Variants in CPT1A observed in about 807,000 individuals in gnomAD.
CPT1A encodes carnitine palmitoyltransferase 1A.
A neutral mutation model predicts 100.8 loss-of-function variants in CPT1A; 64 were observed. The ratio of observed to expected loss-of-function variants is 0.63; its 90% CI spans 0.52 to 0.78. The LOEUF (loss-of-function observed/expected upper bound fraction) is 0.78. CPT1A is among the 30% of genes least tolerant of loss of function. The pLI is 0.00. For synonymous variants in CPT1A, 363 were observed against 396.0 expected, an observed-to-expected ratio of 0.92 and a Z score of 0.99; for missense variants, 802 against 1,034.1, an observed-to-expected ratio of 0.78 and a Z score of 3.08.
In CPT1A at chr11:68,841,176, T is replaced by G. The variant is rs905603209; in HGVS notation, c.-14+599A>C. Among the ~76,000 whole-genome samples the G allele has an allele frequency of 6.6e-6, 1 of 151,906 alleles. No homozygotes were observed. Among genetic ancestry groups the G allele is most frequent in the Non-Finnish European group, 1.5e-5 (1 of 67,942 alleles). On this transcript the variant is annotated intron_variant, in intron 1 of 18. Coordinates refer to ENST00000265641, the MANE Select transcript of CPT1A (RefSeq NM_001876.4). The surrounding 1 kb of genome is among the most constrained non-coding windows in gnomAD (Gnocchi z 6.3). ...CCGAATCCCGAGGGCCGAGCACCCCTCCCTCAGCCGCACTGCACCTGCCCG... is the reference window on the plus strand; with the variant it reads ...CCGAATCCCGAGGGCCGAGCACCCCGCCCTCAGCCGCACTGCACCTGCCCG...
Position 68,814,125 on chromosome 11 carries a change from C to A in CPT1A, c.141+1209G>T, listed in dbSNP as rs376639438. On this transcript the variant is annotated intron_variant, in intron 2 of 18. Transcript: ENST00000265641. ...GGATTTCCACTTTTGACTTGATGAACTTTCACCTAGTTTGCATGTTTTCAA... is the reference window on the plus strand; with the variant it reads ...GGATTTCCACTTTTGACTTGATGAAATTTCACCTAGTTTGCATGTTTTCAA... Among the ~76,000 whole-genome samples the A allele has an allele frequency of 4.6e-4, 70 of 152,258 alleles. 1 individual carries two copies. In the South Asian group the frequency reaches 9.5e-3, roughly 21 times the overall value.
chr11:68,755,687 G>A lies in CPT1A; in HGVS notation c.*1957C>T, dbSNP rs1165521811. On this transcript the variant is annotated 3_prime_UTR_variant, in exon 19 of 19. Transcript: ENST00000265641. The stretch of plus-strand genomic sequence containing the variant: ...GCCTCCCAAAGTGCTGGGATTACAC[G>A]CATGAGCCACCGCGCCTGGACGCTT... 4 of 142,888 alleles carry A rather than the reference G, an allele frequency of 2.8e-5. No homozygotes were observed. The highest frequency in any genetic ancestry group is 7.7e-5 in the African/African-American group (3 of 39,076). The allele number at this position is 142,888 out of a possible 1,614,324, so 8.9% of individuals were successfully genotyped here. A position where few individuals can be genotyped will look rare whatever the true frequency, so the allele number is the denominator to read the frequency against.
upstream of CPT1A, among the ~76,000 whole-genome samples, chr11:68,842,719 G>A (rs78033051): frequency 0.016 from 2,397 of 152,224 alleles, 71 homozygotes; most frequent in African/African-American, 0.054. Context: ...GCTGGAGCTC[G>A]GGAGAGGGGC....
chr11:68,811,325 C>A (rs1014154376), intron 3 of CPT1A, among the ~76,000 whole-genome samples: 11 of 152,146 alleles, frequency 7.2e-5, no homozygotes, highest in Non-Finnish European at 1.5e-5. Context: ...TTGGTGTAAA[C>A]AAGCAGCACA....
chr11:68,774,157 C>T (rs1408680349), intron 13 of CPT1A, among the ~76,000 whole-genome samples: 1 of 152,232 alleles, frequency 6.6e-6, no homozygotes, highest in Admixed American at 6.5e-5. Context: ...TCCAAATGTA[C>T]TTTCCTTCCT....
intron 9 of CPT1A, among the ~76,000 whole-genome samples, chr11:68,787,784 A>G (rs576912817): frequency 6.6e-6 from 1 of 152,050 alleles, no homozygotes; most frequent in South Asian, 2.1e-4. Context: ...TCTACTAAAA[A>G]ATTACAAAAA....
In CPT1A at chr11:68,784,947, T is replaced by C. The variant is rs748355531; in HGVS notation, c.1031A>G (p.Lys344Arg). 3 of 1,614,092 alleles carry C rather than the reference T, an allele frequency of 1.9e-6. No individual in the cohort carries two copies. Among genetic ancestry groups the C allele is most frequent in the Admixed American group, 1.7e-5 (1 of 60,014 alleles). The change falls in exon 10 of 19, where the codon AAG (lysine) becomes AGG (arginine). Residue 344 changes from lysine (K) to arginine (R), a missense_variant. By Grantham distance (26) the Lys-to-Arg change is conservative. Around this residue, in one of 4 missense-constraint regions of CPT1A, gnomAD observed 627 missense variants for 799.3 expected, o/e 0.78. Coordinates refer to ENST00000265641, the MANE Select transcript of CPT1A (RefSeq NM_001876.4). ...IVVYHRGRYFKVWLYHDGRLL... is the reference protein window; with the variant it reads ...IVVYHRGRYFRVWLYHDGRLL... ...CCGCCCATCATGGTAGAGCCAGACC[T>C]TGAAGTAGCGTCCTCGATGGTACAC...
rs549711357 is a variant in CPT1A, at chr11:68,757,335, C to T, written c.*309G>A. On this transcript the variant is annotated 3_prime_UTR_variant, in exon 19 of 19. Coordinates refer to ENST00000265641, the MANE Select transcript of CPT1A (RefSeq NM_001876.4). Reference sequence around the variant, plus strand: ...TTCCATTCCACTGTGTGTGAAGCCACAACCCTACTAATTCCTTCATTAACT... The same window carrying T: ...TTCCATTCCACTGTGTGTGAAGCCATAACCCTACTAATTCCTTCATTAACT... The T allele has an allele frequency of 4.4e-4, 547 of 1,255,198 alleles. No homozygotes were observed. Among genetic ancestry groups the T allele is most frequent in the Non-Finnish European group, 5.2e-4 (519 of 989,658 alleles). The allele number at this position is 1,255,198 out of a possible 1,614,324, so 77.8% of individuals were successfully genotyped here.
In CPT1A at chr11:68,792,342, A is replaced by C. The variant is rs7111658; in HGVS notation, c.967+973T>G. 6.9e-4 allele frequency among the ~76,000 whole-genome samples: 105 copies of C among 152,122 alleles called. 1 individual carries two copies. Among genetic ancestry groups the C allele is most frequent in the Non-Finnish European group, 1.3e-3 (88 of 68,022 alleles). On this transcript the variant is annotated intron_variant, in intron 9 of 18. Transcript: ENST00000265641. The stretch of plus-strand genomic sequence containing the variant: ...ACAGAGCGAGACTCCCTCTAAAAAA[A>C]AATAAATAAATAAAATTGCAGGTCA...
In CPT1A at chr11:68,809,226, G is replaced by A. The variant is rs184976150; in HGVS notation, c.282-1588C>T. On this transcript the variant is annotated intron_variant, in intron 3 of 18. Coordinates refer to ENST00000265641, the MANE Select transcript of CPT1A (RefSeq NM_001876.4). The stretch of plus-strand genomic sequence containing the variant: ...GTCATCTAACCTATAAACAAACTTG[G>A]GTTTAGGGATTTAAGAAGCTATCTT... Among the ~76,000 whole-genome samples the A allele has an allele frequency of 2.0e-4, 31 of 151,854 alleles. 1 individual carries two copies. The highest frequency in any genetic ancestry group is 1.9e-3 in the Admixed American group (29 of 15,246).
At chr11:68,822,773 C>T (rs530559149) in intron 1 of CPT1A, among the ~76,000 whole-genome samples, 15 of 152,296 alleles carry the variant, frequency 9.8e-5, no homozygotes, top group African/African-American at 3.6e-4. Context: ...GGACCTCCGA[C>T]ACCTGCTGCA....
intron 5 of CPT1A, among the ~76,000 whole-genome samples, chr11:68,799,988 A>C (rs1343378683): frequency 6.6e-6 from 1 of 152,232 alleles, no homozygotes; most frequent in East Asian, 1.9e-4. Context: ...AAAGTTAACA[A>C]GGAAATTTCA....
Position 68,757,488 on chromosome 11 carries a change from T to C in CPT1A, c.*156A>G, listed in dbSNP as rs1439086549. ...GTTATGCTTCACAGGGGAGAGATACTGTTCTAGGAAAAAAAAACACCCACA... is the reference window on the plus strand; with the variant it reads ...GTTATGCTTCACAGGGGAGAGATACCGTTCTAGGAAAAAAAAACACCCACA... On this transcript the variant is annotated 3_prime_UTR_variant, in exon 19 of 19. Transcript: ENST00000265641. 46 of 1,509,810 alleles carry C rather than the reference T, an allele frequency of 3.0e-5. No individual in the cohort carries two copies. Among genetic ancestry groups the C allele is most frequent in the Non-Finnish European group, 3.9e-5 (44 of 1,133,772 alleles). 93.5% of individuals were successfully genotyped at this position (1,509,810 alleles called of 1,614,324 possible).
intron 1 of CPT1A, among the ~76,000 whole-genome samples, chr11:68,826,600 T>TGGTGGCGGGCGC (rs1436158864): frequency 1.3e-5 from 2 of 149,920 alleles, no homozygotes; most frequent in Non-Finnish European, 3.0e-5. Flanking sequence ...TAGCCGGGCG[T>TGGTGGCGGGCGC]GGTGGCGGGC....
At chr11:68,763,306 AC>A (rs1033290949) in intron 14 of CPT1A, among the ~76,000 whole-genome samples, 8 of 143,312 alleles carry the variant, frequency 5.6e-5, no homozygotes, top group South Asian at 2.3e-4. Flanking sequence ...ATACTATGAC[AC>A]CCCCCCCACC....
intron 14 of CPT1A, among the ~76,000 whole-genome samples, chr11:68,770,142 T>C (rs995582549): frequency 1.3e-5 from 2 of 152,132 alleles, no homozygotes; most frequent in African/African-American, 4.8e-5. Context: ...CATGGCTTTT[T>C]CTCCCTCTCC....
chr11:68,776,420 C>T (rs115857221), intron 12 of CPT1A, among the ~76,000 whole-genome samples: 1,789 of 151,646 alleles, frequency 0.012, 40 homozygotes, highest in African/African-American at 0.038. Flanking sequence ...GAAAAGAAAG[C>T]GAAAGAAAAG....
At chr11:68,833,565 TG>T (rs1201437494) in intron 1 of CPT1A, among the ~76,000 whole-genome samples, 1 of 152,170 alleles carries the variant, frequency 6.6e-6, no homozygotes, top group East Asian at 1.9e-4. Context: ...AAAACCAGCC[TG>T]GCCAACATGG....
Position 68,799,233 on chromosome 11 carries a change from C to G in CPT1A, c.678G>C (p.Trp226Cys), listed in dbSNP as rs771765401. 6.2e-7 allele frequency: 1 copy of G among 1,613,840 alleles called. No individual in the cohort carries two copies. ...ACAGACTTACGTAATTTGTAGCCCACCAGGATTTTAACTTCAAATACCACT... is the reference window on the plus strand; with the variant it reads ...ACAGACTTACGTAATTTGTAGCCCAGCAGGATTTTAACTTCAAATACCACT... ...RLQWYLKLKS[W>C]WATNYVSDWW... Residue 226 changes from tryptophan to cysteine, a missense_variant, in exon 6 of 19, where the codon TGG becomes TGC. Trp to Cys is a radical substitution (Grantham distance 215). Around this residue, in one of 4 missense-constraint regions of CPT1A, gnomAD observed 627 missense variants for 799.3 expected, o/e 0.78. Transcript: ENST00000265641.
Sources: allele counts gnomAD v4.1 joint callset (sites outside exome capture counted in the v4.1 genomes callset), GRCh38; gene constraint gnomAD v4.1.1; regional missense constraint gnomAD v4.1.1; non-coding constraint Gnocchi (gnomAD v3.1); transcripts MANE v1.5; gene names NCBI Gene and HGNC (gene_info 2026-07-23, HGNC 2026-07-21).